Variants in GLIS3 observed in about 807,000 individuals in gnomAD.
GLIS3 encodes the protein zinc finger protein GLIS3.
A neutral mutation model predicts 78.6 loss-of-function variants in GLIS3; 53 were observed. That is an observed-to-expected ratio of 0.67 (90% confidence interval 0.54 to 0.85). The LOEUF (loss-of-function observed/expected upper bound fraction) is 0.85. Among genes scored for constraint, GLIS3 ranks in the 40% least tolerant of loss-of-function variants. The probability of loss-of-function intolerance (pLI) is 0.00; values close to 1 mark genes in which losing one functional copy is unlikely to be tolerated. For missense variants in GLIS3, 1,703 were observed against 1,231.1 expected (o/e 1.38, Z -5.74); for synonymous variants, 684 against 509.9 (o/e 1.34, Z -4.60).
At chr9:3,841,190 A>C (rs1472982161) in intron 9 of GLIS3, among the ~76,000 whole-genome samples, 2 of 152,206 alleles carry the variant, frequency 1.3e-5, no homozygotes, top group Admixed American at 6.5e-5. Context: ...TGGCTTCCAA[A>C]TTCTCAAAAT....
At chr9:4,132,755 G>A (rs1833071886) in intron 2 of GLIS3, among the ~76,000 whole-genome samples, 1 of 152,056 alleles carries the variant, frequency 6.6e-6, no homozygotes, top group Non-Finnish European at 1.5e-5. Context: ...TTCTTAATAG[G>A]TCCAAAATGA....
At chr9:4,460,796 T>C in the GLIS3 span, among the ~76,000 whole-genome samples, 2 of 152,354 alleles carry the variant, frequency 1.3e-5, no homozygotes, top group South Asian at 2.1e-4. Context: ...TCTTTCTTTC[T>C]AGTTCTGACA....
At chr9:4,235,738 G>A (rs1177874235) in intron 2 of GLIS3, among the ~76,000 whole-genome samples, 1 of 152,066 alleles carries the variant, frequency 6.6e-6, no homozygotes, top group Non-Finnish European at 1.5e-5. Context: ...TGTTATCTTG[G>A]ATGAAAACCA....
chr9:3,991,941 CG>C (rs1190467532), intron 4 of GLIS3, among the ~76,000 whole-genome samples: 4 of 152,138 alleles, frequency 2.6e-5, no homozygotes, highest in South Asian at 4.1e-4. Flanking sequence ...CCGCCCGCCT[CG>C]GCCTCCCAAA....
the GLIS3 span, among the ~76,000 whole-genome samples, chr9:4,408,112 TAAC>T: frequency 6.6e-6 from 1 of 152,040 alleles, no homozygotes; most frequent in Non-Finnish European, 1.5e-5. Context: ...AGTCAGGCAA[TAAC>T]AAATGCTAGC....
the GLIS3 span, among the ~76,000 whole-genome samples, chr9:4,399,069 C>T: frequency 1.2e-4 from 19 of 152,286 alleles, no homozygotes; most frequent in East Asian, 5.8e-4. Flanking sequence ...TAACATTTTA[C>T]GATAACAACC....
chr9:3,944,063 G>A (rs1480260908), intron 4 of GLIS3, among the ~76,000 whole-genome samples: 2 of 152,064 alleles, frequency 1.3e-5, no homozygotes, highest in Non-Finnish European at 2.9e-5. Context: ...GTACATACAC[G>A]TTTCTTATTG....
intron 2 of GLIS3, among the ~76,000 whole-genome samples, chr9:4,156,776 C>T (rs189503250): frequency 6.6e-6 from 1 of 152,122 alleles, no homozygotes; most frequent in East Asian, 1.9e-4. Context: ...TGCTGAAGAA[C>T]AGAAACAACC....
At chr9:4,202,154 T>TTC (rs1214288079) in intron 2 of GLIS3, among the ~76,000 whole-genome samples, 4 of 144,896 alleles carry the variant, frequency 2.8e-5, no homozygotes, top group South Asian at 2.3e-4. Flanking sequence ...CCCTTTTTCT[T>TTC]TTTTTTTTTT....
chr9:4,390,515 A>G, the GLIS3 span, among the ~76,000 whole-genome samples: 2 of 152,152 alleles, frequency 1.3e-5, no homozygotes, highest in African/African-American at 4.8e-5. Flanking sequence ...ATGGGCACAC[A>G]CCATCATGCC....
chr9:4,321,580 C>T lies in GLIS3; in HGVS notation n.265-11052G>A, dbSNP rs576870097. ...AAATAAGAAAATGAACATTTCAGAA[C>T]TCCCCACCCACCCACCCCAGTATCG... On this transcript the variant is annotated intron_variant and non_coding_transcript_variant, in intron 2 of 4. Transcript: ENST00000471664. 3.3e-3 allele frequency among the ~76,000 whole-genome samples: 463 copies of T among 138,484 alleles called. 4 individuals carry two copies. Among genetic ancestry groups the T allele is most frequent in the South Asian group, 0.029 (115 of 3,968 alleles). 90.9% of individuals were successfully genotyped at this position (138,484 alleles called of 152,430 possible).
intron 4 of GLIS3, among the ~76,000 whole-genome samples, chr9:4,097,431 G>A (rs1830046031): frequency 1.3e-5 from 2 of 152,048 alleles, no homozygotes. Flanking sequence ...GGTGGGCTCA[G>A]CTGATGGTCT....
the GLIS3 span, among the ~76,000 whole-genome samples, chr9:4,363,204 C>T: frequency 1.3e-5 from 2 of 152,142 alleles, no homozygotes; most frequent in African/African-American, 2.4e-5. Flanking sequence ...GGGTGGGTCA[C>T]TTGAGGTCAG....
intron 4 of GLIS3, among the ~76,000 whole-genome samples, chr9:4,090,366 C>T (rs777958109): frequency 8.6e-5 from 13 of 151,676 alleles, no homozygotes; most frequent in Admixed American, 6.6e-4. Context: ...AACTGATTCA[C>T]GCTCAATAAA....
rs923612354 is a variant in GLIS3 at position 4,016,876 on chromosome 9, C to T, written c.1711-79687G>A. On this transcript the variant is annotated intron_variant, in intron 4 of 10. Coordinates refer to ENST00000381971, the MANE Select transcript of GLIS3 (RefSeq NM_001042413.2). ...GATCAGATGATAACTAAAGTGAACACAAACACTTAAACGGCACAAGGAACT... is the reference window on the plus strand; with the variant it reads ...GATCAGATGATAACTAAAGTGAACATAAACACTTAAACGGCACAAGGAACT... 2.0e-5 allele frequency among the ~76,000 whole-genome samples: 3 copies of T among 152,142 alleles called. No homozygotes were observed. The East Asian group carries it at 5.8e-4, about 29-fold the overall frequency.
At chr9:4,204,283 C>T (rs1325025504) in intron 2 of GLIS3, among the ~76,000 whole-genome samples, 1 of 152,126 alleles carries the variant, frequency 6.6e-6, no homozygotes, top group East Asian at 1.9e-4. Flanking sequence ...ACGATTCTTT[C>T]ACACACACAT....
At chr9:4,401,887 G>A in the GLIS3 span, among the ~76,000 whole-genome samples, 1 of 152,126 alleles carries the variant, frequency 6.6e-6, no homozygotes, top group East Asian at 1.9e-4. Context: ...ATGGCTCCAG[G>A]GAGAGGCCCC....
chr9:4,064,280 G>C (rs1183180670), intron 4 of GLIS3, among the ~76,000 whole-genome samples: 1 of 151,950 alleles, frequency 6.6e-6, no homozygotes, highest in Non-Finnish European at 1.5e-5. Context: ...AATTATAAAA[G>C]TATTAGAAAA....
intron 2 of GLIS3, among the ~76,000 whole-genome samples, chr9:4,133,877 G>A (rs559571815): frequency 3.5e-4 from 34 of 97,134 alleles, no homozygotes; most frequent in Non-Finnish European, 7.5e-4. Context: ...CACACACACC[G>A]TACATCTGTC....
Sources: gnomAD v4.1 joint callset for allele counts (sites outside exome capture counted in the v4.1 genomes callset) on GRCh38, gnomAD v4.1.1 for gene constraint, MANE v1.5 for transcripts, NCBI Gene and HGNC (gene_info 2026-07-23, HGNC 2026-07-21) for gene names.